Variants in GOLGA6L7 observed in about 807,000 individuals in gnomAD.
The protein encoded by GOLGA6L7 is golgin A6 family like 7.
Under a neutral mutation model 68.9 loss-of-function variants are expected in GOLGA6L7, and 29 were observed. That is an observed-to-expected ratio of 0.42 (90% confidence interval 0.31 to 0.57). The LOEUF is 0.57. Ranked by LOEUF, GOLGA6L7 falls within the 20% of genes least tolerant of loss-of-function variation. The pLI is 0.13. For missense variants in GOLGA6L7, 396 were observed against 588.4 expected (o/e 0.67, Z 3.38); for synonymous variants, 133 against 197.4 (o/e 0.67, Z 2.73).
In GOLGA6L7 at chr15:28,842,268, T is replaced by C. The variant is rs2030214056; in HGVS notation, c.1836A>G (p.Gly612=). The C allele has an allele frequency of 2.4e-6, 3 of 1,229,844 alleles. No homozygotes were observed. In the South Asian group the frequency reaches 1.2e-4, roughly 51 times the overall value. 76.2% of individuals were successfully genotyped at this position (1,229,844 alleles called of 1,614,324 possible). The change falls in exon 9 of 9, where the codon GGA becomes GGG. Residue 612 remains glycine (G), a synonymous_variant. Coordinates refer to ENST00000567390, the MANE Select transcript of GOLGA6L7 (RefSeq NM_001365371.2). ...STSCIPFFYG[G]DKKKIKIISI Reference sequence around the variant, plus strand: ...TGATGATCTTGATCTTTTTCTTGTCTCCTCCGTAGAAGAATGGGATGCAGG... The same window carrying C: ...TGATGATCTTGATCTTTTTCTTGTCCCCTCCGTAGAAGAATGGGATGCAGG...
At chr15:28,843,963 A>C in intron 7 of GOLGA6L7, 88 bp from the exon 8 acceptor site, 1 of 653,844 alleles carries the variant, frequency 1.5e-6, no homozygotes, top group Non-Finnish European at 2.6e-6. Flanking sequence ...CCCCACAACC[A>C]CAGAACCGTG....
chr15:28,842,549 T>C lies in GOLGA6L7; in HGVS notation c.1555A>G (p.Lys519Glu). The change falls in exon 9 of 9, where the codon AAG (lysine) becomes GAG (glutamate). Residue 519 changes from lysine to glutamate, a missense_variant. This residue lies in a region of GOLGA6L7 where 125 missense variants were observed against 163.3 expected (regional missense o/e 0.77). Coordinates refer to ENST00000567390, the MANE Select transcript of GOLGA6L7 (RefSeq NM_001365371.2). Reference sequence around the variant, plus strand: ...CTCTTCTCCACCTGCCTCCGGATCTTCTCCTCCTCCTCCTGCATCTTCTCA... The same window carrying C: ...CTCTTCTCCACCTGCCTCCGGATCTCCTCCTCCTCCTCCTGCATCTTCTCA... The part of the protein sequence containing the change: ...EYEKMQEEEE[K>E]IRRQVEKRRE... 2.4e-6 allele frequency: 3 copies of C among 1,245,928 alleles called. No individual in the cohort carries two copies. The highest frequency in any genetic ancestry group is 3.0e-6 in the Non-Finnish European group (3 of 994,014). The allele number at this position is 1,245,928 out of a possible 1,614,324, so 77.2% of individuals were successfully genotyped here. A position where few individuals can be genotyped will look rare whatever the true frequency, so the allele number is the denominator to read the frequency against.
At position 28,844,191 on chromosome 15, in the gene GOLGA6L7, C is replaced by T. The variant is rs976925984; in HGVS notation, c.521+14G>A. ...GGGCTCTCAGACCTCCCATCCCCCCCTCCCCTATCCTACATGTTCCTGAAC... is the reference window on the plus strand; with the variant it reads ...GGGCTCTCAGACCTCCCATCCCCCCTTCCCCTATCCTACATGTTCCTGAAC... On this transcript the variant is annotated intron_variant, in intron 7 of 8. Coordinates refer to ENST00000567390, the MANE Select transcript of GOLGA6L7 (RefSeq NM_001365371.2). 3 of 496,174 alleles carry T rather than the reference C, an allele frequency of 6.0e-6. No individual in the cohort carries two copies. The highest frequency in any genetic ancestry group is 4.0e-5 in the South Asian group (1 of 25,248). The allele number at this position is 496,174 out of a possible 1,614,324, so 30.7% of individuals were successfully genotyped here. A position where few individuals can be genotyped will look rare whatever the true frequency, so the allele number is the denominator to read the frequency against.
intron 1 of GOLGA6L7, among the ~76,000 whole-genome samples, chr15:28,847,724 A>G (rs4037368): frequency 1.5e-3 from 230 of 152,346 alleles, no homozygotes; most frequent in African/African-American, 5.3e-3. Flanking sequence ...GATGCCCCAT[A>G]TGTATCCTGT....
chr15:28,847,705 C>G (rs1233815777), intron 1 of GOLGA6L7, among the ~76,000 whole-genome samples: 5 of 152,244 alleles, frequency 3.3e-5, no homozygotes, highest in Non-Finnish European at 7.3e-5. Flanking sequence ...AAAACTGATG[C>G]TTCAGAAAGA....
intron 6 of GOLGA6L7, among the ~76,000 whole-genome samples, chr15:28,844,518 C>A (rs1234504241): frequency 6.6e-6 from 1 of 150,640 alleles, no homozygotes; most frequent in African/African-American, 2.5e-5. Flanking sequence ...GCAACCTCCG[C>A]CTCCCGGCTT....
At chr15:28,845,391 A>G (rs2030386233) in intron 6 of GOLGA6L7, 138 bp downstream of exon 6, 1 of 697,438 alleles carries the variant, frequency 1.4e-6, no homozygotes, top group Admixed American at 2.0e-5. Context: ...GCCTCTAACA[A>G]CCACGCACAA....
intron 7 of GOLGA6L7, among the ~76,000 whole-genome samples, 160 bp from the exon 8 acceptor site, chr15:28,844,035 T>C (rs1411421180): frequency 1.3e-5 from 2 of 151,790 alleles, no homozygotes; most frequent in Non-Finnish European, 2.9e-5. Flanking sequence ...AAGACATGAG[T>C]TGCCTGAGGC....
chr15:28,842,021 C>G lies in GOLGA6L7; in HGVS notation c.*214G>C, dbSNP rs969098407. On this transcript the variant is annotated 3_prime_UTR_variant, in exon 9 of 9. Coordinates refer to ENST00000567390, the MANE Select transcript of GOLGA6L7 (RefSeq NM_001365371.2). ...CTGGAGTGCAGTGGTGTGATCTCAGCTCACTGCAACCTCAACCTCCCACGT... is the reference window on the plus strand; with the variant it reads ...CTGGAGTGCAGTGGTGTGATCTCAGGTCACTGCAACCTCAACCTCCCACGT... 23 of 335,772 alleles carry G rather than the reference C, an allele frequency of 6.8e-5. No homozygotes were observed. The highest frequency in any genetic ancestry group is 4.9e-4 in the African/African-American group (23 of 46,820). 20.8% of individuals were successfully genotyped at this position (335,772 alleles called of 1,614,324 possible).
chr15:28,842,618 C>T lies in GOLGA6L7; in HGVS notation c.1486G>A (p.Val496Met), dbSNP rs1007167295. 1.5e-4 allele frequency: 191 copies of T among 1,303,560 alleles called. No individual in the cohort carries two copies. The highest frequency in any genetic ancestry group is 1.8e-4 in the Non-Finnish European group (181 of 1,032,066). The allele number at this position is 1,303,560 out of a possible 1,614,324, so 80.7% of individuals were successfully genotyped here. The change falls in exon 9 of 9, where the codon GTG becomes ATG. Residue 496 changes from valine (V) to methionine (M), a missense_variant. Val to Met is a conservative substitution (Grantham distance 21, BLOSUM62 1). Coordinates refer to ENST00000567390, the MANE Select transcript of GOLGA6L7 (RefSeq NM_001365371.2). ...GEQEEQMRKQ[V>M]ERLQFKEERL... ...TCCTCCTTGAATTGCAGCCTCTCCA[C>T]CTGCTTCCGCATCTGCTCCTCCTGC... is the stretch of plus-strand genomic sequence containing the variant.
chr15:28,845,881 C>A lies in GOLGA6L7; in HGVS notation c.261+19G>T, dbSNP rs1015700944. 9.0e-6 allele frequency: 11 copies of A among 1,218,622 alleles called. No homozygotes were observed. The Admixed American group carries it at 2.0e-4, about 22-fold the overall frequency. 75.5% of individuals were successfully genotyped at this position (1,218,622 alleles called of 1,614,324 possible). A position where few individuals can be genotyped will look rare whatever the true frequency, so the allele number is the denominator to read the frequency against. On this transcript the variant is annotated intron_variant, in intron 4 of 8. Transcript: ENST00000567390. Reference sequence around the variant, plus strand: ...ACCTTCTCCAGAGGACAGGAGGGAACTTCACACCCTCCACTCACCTCTAGC... The same window carrying A: ...ACCTTCTCCAGAGGACAGGAGGGAAATTCACACCCTCCACTCACCTCTAGC...
At chr15:28,845,183 C>G (rs2030377807) in intron 6 of GOLGA6L7, 1 of 430,440 alleles carries the variant, frequency 2.3e-6, no homozygotes, top group Non-Finnish European at 4.3e-6. Context: ...TGTTCCCTCT[C>G]TCTACACAAA....
chr15:28,845,162 A>T, intron 6 of GOLGA6L7: 1 of 380,962 alleles, frequency 2.6e-6, no homozygotes. Context: ...ACACACACAC[A>T]CACGTACATG....
Position 28,842,755 on chromosome 15 carries a change from A to T in GOLGA6L7, c.1349T>A (p.Met450Lys), listed in dbSNP as rs2030242997. 1 of 1,254,060 alleles carries T rather than the reference A, an allele frequency of 8.0e-7. No homozygotes were observed. Among genetic ancestry groups the T allele is most frequent in the Non-Finnish European group, 9.9e-7 (1 of 1,010,082 alleles). The allele number at this position is 1,254,060 out of a possible 1,614,324, so 77.7% of individuals were successfully genotyped here. The change falls in exon 9 of 9, where the codon ATG becomes AAG. Residue 450 changes from methionine to lysine, a missense_variant. This residue lies in a region of GOLGA6L7 where 14 missense variants were observed against 63.0 expected (regional missense o/e 0.22). Coordinates refer to ENST00000567390, the MANE Select transcript of GOLGA6L7 (RefSeq NM_001365371.2). ...CCGCATCTGCTCCTCCTGCTCCCCCATCTGCTCCTCCTGCTTCCGCATCTG... is the reference window on the plus strand; with the variant it reads ...CCGCATCTGCTCCTCCTGCTCCCCCTTCTGCTCCTCCTGCTTCCGCATCTG... ...EEQMRKQEEQ[M>K]GEQEEQMRKQ...
In GOLGA6L7 at chr15:28,843,755, C is replaced by T. The variant is rs187210267; in HGVS notation, c.642G>A (p.Thr214=). 403 of 657,782 alleles carry T rather than the reference C, an allele frequency of 6.1e-4. No individual in the cohort carries two copies. In the African/African-American group the frequency reaches 6.6e-3, roughly 11 times the overall value. 40.7% of individuals were successfully genotyped at this position (657,782 alleles called of 1,614,324 possible). ...TCACCTGTGGCAGCGGGATTTTGTCCGTCTCCAGTTTCCTTTTTAGCTCCT... is the reference window on the plus strand; with the variant it reads ...TCACCTGTGGCAGCGGGATTTTGTCTGTCTCCAGTTTCCTTTTTAGCTCCT... ...HIKELKRKLE[T]DKIPLPQVQT... The change falls in exon 8 of 9, where the codon ACG becomes ACA. Residue 214 remains threonine, a synonymous_variant. Coordinates refer to ENST00000567390, the MANE Select transcript of GOLGA6L7 (RefSeq NM_001365371.2).
At chr15:28,844,669 AGG>A (rs1014698942) in intron 6 of GOLGA6L7, among the ~76,000 whole-genome samples, 121 of 123,060 alleles carry the variant, frequency 9.8e-4, no homozygotes, top group African/African-American at 4.5e-3. Flanking sequence ...GCTGGCTAAC[AGG>A]GGCCCAGAGC....
Position 28,844,202 on chromosome 15 carries a change from T to G in GOLGA6L7, c.521+3A>C. 8.0e-6 allele frequency: 2 copies of G among 249,778 alleles called. No individual in the cohort carries two copies. The highest frequency in any genetic ancestry group is 7.0e-6 in the Non-Finnish European group (1 of 142,290). 15.5% of individuals were successfully genotyped at this position (249,778 alleles called of 1,614,324 possible). ...CCTCCCATCCCCCCCTCCCCTATCC[T>G]ACATGTTCCTGAACAGCTCCAGACT... On this transcript the variant is annotated splice_donor_region_variant and intron_variant, in intron 7 of 8. Transcript: ENST00000567390.
intron 6 of GOLGA6L7, among the ~76,000 whole-genome samples, chr15:28,844,521 C>T (rs973041701): frequency 1.3e-5 from 2 of 150,666 alleles, no homozygotes; most frequent in African/African-American, 4.9e-5. Context: ...ACCTCCGCCT[C>T]CCGGCTTCAA....
chr15:28,843,506 T>C (rs2141052001), intron 8 of GOLGA6L7, 66 bp from the exon 9 acceptor site: 1 of 464,102 alleles, frequency 2.2e-6, no homozygotes, highest in South Asian at 6.5e-5. Flanking sequence ...GGTTTTCGTC[T>C]ATGATTCTTT....
Sources: gnomAD v4.1 joint callset for allele counts (sites outside exome capture counted in the v4.1 genomes callset) on GRCh38, gnomAD v4.1.1 for gene constraint, gnomAD v4.1.1 regional missense constraint, MANE v1.5 for transcripts, NCBI Gene and HGNC (gene_info 2026-07-23, HGNC 2026-07-21) for gene names.